Variants in CUX1 observed in about 807,000 individuals in gnomAD.
The protein encoded by CUX1 is cut like homeobox 1.
A neutral mutation model predicts 158.8 loss-of-function variants in CUX1; 31 were observed. The observed-to-expected ratio is 0.20, with a 90% CI of 0.15 to 0.26. The LOEUF is 0.26. Ranked by LOEUF, CUX1 falls within the 10% of genes least tolerant of loss-of-function variation. The probability of loss-of-function intolerance (pLI) is 1.00; values close to 1 mark genes in which losing one functional copy is unlikely to be tolerated. For synonymous variants in CUX1, 879 were observed against 862.1 expected (o/e 1.02, Z -0.34); for missense variants, 1,589 against 2,014.6 (o/e 0.79, Z 4.04).
chr7:101,839,279 C>T (rs548003998), intron 1 of CUX1, among the ~76,000 whole-genome samples: 9 of 152,286 alleles, frequency 5.9e-5, no homozygotes, highest in Admixed American at 4.6e-4. Flanking sequence ...TGGTCACCCT[C>T]GGTGGTATCT....
chr7:102,193,624 G>C (rs2131942106), intron 12 of CUX1, among the ~76,000 whole-genome samples: 1 of 152,294 alleles, frequency 6.6e-6, no homozygotes, highest in East Asian at 1.9e-4. Flanking sequence ...GGCCAACGTG[G>C]TGAAACCCCG....
downstream of CUX1, among the ~76,000 whole-genome samples, chr7:102,261,088 G>T (rs978368037): frequency 2.6e-5 from 4 of 152,264 alleles, no homozygotes; most frequent in Admixed American, 6.5e-5. Context: ...CTCATGCAGT[G>T]TGGAGTGACC....
chr7:102,276,522 G>A (rs1734742), intron 17 of CUX1, among the ~76,000 whole-genome samples: 2 of 152,144 alleles, frequency 1.3e-5, no homozygotes, highest in Non-Finnish European at 2.9e-5. Context: ...GGCTGGTCTC[G>A]AACTCCTGAC....
At chr7:101,886,959 C>T (rs1174640963) in intron 1 of CUX1, among the ~76,000 whole-genome samples, 1 of 152,178 alleles carries the variant, frequency 6.6e-6, no homozygotes, top group Non-Finnish European at 1.5e-5. Context: ...AGGATGGCCC[C>T]CACCCTGCTG....
At chr7:101,923,105 A>T (rs1805155861) in intron 2 of CUX1, among the ~76,000 whole-genome samples, 1 of 152,186 alleles carries the variant, frequency 6.6e-6, no homozygotes, top group Non-Finnish European at 1.5e-5. Flanking sequence ...TCTGACCTGC[A>T]GCCCCGGCTC....
chr7:101,852,953 C>T (rs770453875), intron 1 of CUX1, among the ~76,000 whole-genome samples: 1 of 152,130 alleles, frequency 6.6e-6, no homozygotes, highest in Non-Finnish European at 1.5e-5. Context: ...GCTGGGATTA[C>T]AGGCATGAGC....
chr7:102,212,364 C>T (rs1366560608), intron 20 of CUX1, among the ~76,000 whole-genome samples: 1 of 152,104 alleles, frequency 6.6e-6, no homozygotes, highest in African/African-American at 2.4e-5. Flanking sequence ...CCCTGCAGTC[C>T]CACCTTCCAG....
At chr7:102,002,027 C>T (rs1482317768) in intron 2 of CUX1, among the ~76,000 whole-genome samples, 1 of 152,210 alleles carries the variant, frequency 6.6e-6, no homozygotes, top group Non-Finnish European at 1.5e-5. Context: ...GGCACGGTGG[C>T]TCGTGCCTGT....
At chr7:102,154,796 C>G (rs1173481545) in intron 8 of CUX1, among the ~76,000 whole-genome samples, 1 of 152,060 alleles carries the variant, frequency 6.6e-6, no homozygotes, top group Non-Finnish European at 1.5e-5. Context: ...TAGAAGTATT[C>G]AAATGAAAAT....
At chr7:102,102,024 T>G (rs1414198192) in intron 5 of CUX1, among the ~76,000 whole-genome samples, 3 of 152,166 alleles carry the variant, frequency 2.0e-5, no homozygotes, top group African/African-American at 7.2e-5. Flanking sequence ...GAGTCCATTC[T>G]GGAAGTGTCC....
intron 16 of CUX1, among the ~76,000 whole-genome samples, chr7:102,199,243 AT>A (rs1795131140): frequency 6.6e-6 from 1 of 152,194 alleles, no homozygotes; most frequent in African/African-American, 2.4e-5. Context: ...GCTTCCTCGT[AT>A]TTTTAACTCG....
chr7:101,862,761 C>T (rs914373715), intron 1 of CUX1, among the ~76,000 whole-genome samples: 1 of 151,752 alleles, frequency 6.6e-6, no homozygotes, highest in Non-Finnish European at 1.5e-5. Context: ...CGTAAGTCCC[C>T]GGTGTGTGTG....
intron 2 of CUX1, among the ~76,000 whole-genome samples, chr7:101,928,081 A>G (rs568593691): frequency 3.9e-5 from 6 of 152,344 alleles, no homozygotes; most frequent in African/African-American, 1.4e-4. Flanking sequence ...AAGACGCATT[A>G]TCTGAGAGTT....
At chr7:102,103,179 C>G (rs1176455248) in intron 5 of CUX1, among the ~76,000 whole-genome samples, 1 of 152,156 alleles carries the variant, frequency 6.6e-6, no homozygotes, top group African/African-American at 2.4e-5. Flanking sequence ...AGGCCACATG[C>G]CAGTCACCGG....
In CUX1 at chr7:101,844,233, T is replaced by A. The variant is rs906927754; in HGVS notation, c.30+26564T>A. ...AGCAGCTTCTGTTTACACGGAAGGC[T>A]GCATCTCCCTGGTTTGCACGTTGTC... On this transcript the variant is annotated intron_variant, in intron 1 of 23. Transcript: ENST00000292535. Among the ~76,000 whole-genome samples, 3 of 125,710 alleles carry A rather than the reference T, an allele frequency of 2.4e-5. No homozygotes were observed. In the Admixed American group the frequency reaches 3.1e-4, roughly 13 times the overall value. The allele number at this position is 125,710 out of a possible 152,430, so 82.5% of individuals were successfully genotyped here.
At chr7:102,279,196 C>T (rs1791862844) in intron 18 of CUX1, among the ~76,000 whole-genome samples, 2 of 152,058 alleles carry the variant, frequency 1.3e-5, no homozygotes, top group Admixed American at 6.6e-5. Flanking sequence ...TAAAAATTGG[C>T]TGGGCGTGGT....
At chr7:101,955,215 C>T (rs1279987328) in intron 2 of CUX1, among the ~76,000 whole-genome samples, 4 of 151,984 alleles carry the variant, frequency 2.6e-5, no homozygotes, top group South Asian at 2.1e-4. Context: ...ATTTGTGTTC[C>T]GCTCTGCGCC....
intron 1 of CUX1, among the ~76,000 whole-genome samples, chr7:101,874,071 T>A (rs932254481): frequency 3.9e-5 from 6 of 152,230 alleles, no homozygotes; most frequent in Non-Finnish European, 8.8e-5. Context: ...CTGTAAATCA[T>A]ATTTCATATT....
In CUX1 at chr7:102,038,679, G is replaced by A. The variant is rs192645011; in HGVS notation, c.189+10534G>A. 2.7e-3 allele frequency among the ~76,000 whole-genome samples: 404 copies of A among 152,278 alleles called. 9 individuals carry two copies. Among genetic ancestry groups the A allele is most frequent in the Admixed American group, 0.025 (379 of 15,286 alleles). On this transcript the variant is annotated intron_variant, in intron 3 of 23. Transcript: ENST00000292535. ...CGCTAAAGAAACAAGCATGGCGGGT[G>A]CGGTGGCTCATGCCTGTCATCCTAG...
Sources: gnomAD v4.1 joint callset for allele counts (sites outside exome capture counted in the v4.1 genomes callset) on GRCh38, gnomAD v4.1.1 for gene constraint, MANE v1.5 for transcripts, NCBI Gene and HGNC (gene_info 2026-07-23, HGNC 2026-07-21) for gene names.